The following SMARCC1 variants were observed in gnomAD, a reference collection of about 807,000 sequenced individuals.
SMARCC1 encodes SWI/SNF related BAF chromatin remodeling complex subunit C1, also known as SWI/SNF complex subunit SMARCC1.
A neutral mutation model predicts 147.4 loss-of-function variants in SMARCC1; 43 were observed. The observed-to-expected ratio is 0.29, with a 90% CI of 0.23 to 0.38. SMARCC1 has a LOEUF of 0.38. Ranked by LOEUF, SMARCC1 falls within the 10% of genes least tolerant of loss-of-function variation. SMARCC1 has a pLI of 1.00. For synonymous variants in SMARCC1, 495 were observed against 484.4 expected (o/e 1.02, Z -0.29); for missense variants, 1,119 against 1,381.1 (o/e 0.81, Z 3.01).
chr3:47,593,732 G>A (rs1393571129), intron 26 of SMARCC1, among the ~76,000 whole-genome samples: 1 of 152,146 alleles, frequency 6.6e-6, no homozygotes, highest in African/African-American at 2.4e-5. Context: ...ATAGAAAGAG[G>A]TCTATCTAAA....
chr3:47,662,097 C>T (rs979345362), intron 20 of SMARCC1, among the ~76,000 whole-genome samples: 2 of 151,716 alleles, frequency 1.3e-5, no homozygotes, highest in Admixed American at 6.6e-5. Flanking sequence ...TGGGTTCAAG[C>T]GATTCTCCTG....
At chr3:47,588,434 G>T in intron 27 of SMARCC1, 128 bp from the exon 28 acceptor site, 1 of 773,984 alleles carries the variant, frequency 1.3e-6, no homozygotes, top group Non-Finnish European at 2.2e-6. Context: ...ACCCTGTGAG[G>T]CATTGATTCC....
intron 14 of SMARCC1, among the ~76,000 whole-genome samples, chr3:47,680,759 G>C (rs184951180): frequency 9.4e-5 from 14 of 149,136 alleles, no homozygotes; most frequent in South Asian, 2.2e-4. Context: ...GTTTTAGCTG[G>C]GATGGTCTCG....
chr3:47,727,911 T>G (rs951932187), intron 6 of SMARCC1, among the ~76,000 whole-genome samples: 2 of 151,670 alleles, frequency 1.3e-5, no homozygotes, highest in African/African-American at 4.8e-5. Flanking sequence ...AGACATGAGA[T>G]TTCACTATGT....
chr3:47,772,081 A>G (rs528148592), intron 2 of SMARCC1, among the ~76,000 whole-genome samples: 4 of 151,274 alleles, frequency 2.6e-5, no homozygotes, highest in Admixed American at 1.3e-4. Flanking sequence ...AAATAAATTA[A>G]TTAAATAAAA....
intron 18 of SMARCC1, among the ~76,000 whole-genome samples, chr3:47,671,488 AT>A (rs1210002307): frequency 2.0e-5 from 3 of 152,120 alleles, no homozygotes; most frequent in Admixed American, 2.0e-4. Context: ...ATATTATCTC[AT>A]TTTAAAACAT....
chr3:47,767,612 G>A (rs901111173), intron 2 of SMARCC1, among the ~76,000 whole-genome samples: 1 of 142,288 alleles, frequency 7.0e-6, no homozygotes, highest in African/African-American at 2.6e-5. Context: ...GCTCACGCCT[G>A]TAATCCCAGC....
At chr3:47,628,300 TTCTAACCACTG>T (rs1271567188) in intron 24 of SMARCC1, among the ~76,000 whole-genome samples, 1 of 152,188 alleles carries the variant, frequency 6.6e-6, no homozygotes, top group African/African-American at 2.4e-5. Flanking sequence ...AAAGATTTGT[TTCTAACCACTG>T]TCCCTAGTTT....
intron 2 of SMARCC1, among the ~76,000 whole-genome samples, chr3:47,754,743 G>GT (rs2034668110): frequency 6.6e-6 from 1 of 152,042 alleles, no homozygotes; most frequent in South Asian, 2.1e-4. Context: ...ATCATGCGAG[G>GT]TAAAAAATAC....
chr3:47,638,166 C>T (rs985142485), intron 22 of SMARCC1, among the ~76,000 whole-genome samples: 3 of 152,192 alleles, frequency 2.0e-5, no homozygotes, highest in Non-Finnish European at 4.4e-5. Context: ...TCTCGGCTCA[C>T]TGCAAGCTCT....
intron 6 of SMARCC1, among the ~76,000 whole-genome samples, chr3:47,725,823 AG>A (rs1415043001): frequency 4.7e-5 from 7 of 150,194 alleles, no homozygotes; most frequent in Admixed American, 4.6e-4. Context: ...ACACTTTGGG[AG>A]GCTGGGTCGG....
chr3:47,698,414 C>T (rs1338666470), intron 11 of SMARCC1, among the ~76,000 whole-genome samples: 1 of 151,928 alleles, frequency 6.6e-6, no homozygotes, highest in Non-Finnish European at 1.5e-5. Flanking sequence ...CTTTCTAAAC[C>T]GCTATTGAAA....
In SMARCC1 at chr3:47,781,870, A is replaced by T. The variant is rs924525366; in HGVS notation, c.-73T>A. On this transcript the variant is annotated 5_prime_UTR_variant, in exon 1 of 28. Transcript: ENST00000254480. ...GTGTTTCCCGGTCGTTCCCGCGCGC[A>T]CCCCCGCGCGCGTAGCCGCCACTGC... The T allele has an allele frequency of 9.6e-6, 10 of 1,045,238 alleles. No homozygotes were observed. Among genetic ancestry groups the T allele is most frequent in the Non-Finnish European group, 1.2e-5 (10 of 818,094 alleles). 64.7% of individuals were successfully genotyped at this position (1,045,238 alleles called of 1,614,324 possible). A position where few individuals can be genotyped will look rare whatever the true frequency, so the allele number is the denominator to read the frequency against.
intron 24 of SMARCC1, among the ~76,000 whole-genome samples, chr3:47,633,741 C>CAA (rs1162764544): frequency 0.18 from 1,571 of 8,586 alleles, 225 homozygotes; most frequent in Non-Finnish European, 0.23. Flanking sequence ...GAGACTGTCT[C>CAA]AAAAAAAAAA....
intron 9 of SMARCC1, among the ~76,000 whole-genome samples, chr3:47,707,366 G>A (rs1429887254): frequency 6.7e-6 from 1 of 150,210 alleles, no homozygotes; most frequent in African/African-American, 2.4e-5. Context: ...ATCCCGGCTT[G>A]CAGATGATAC....
At chr3:47,702,230 C>CAAAA (rs200524652) in intron 10 of SMARCC1, among the ~76,000 whole-genome samples, 3,215 of 130,940 alleles carry the variant, frequency 0.025, 94 homozygotes, top group African/African-American at 0.056. Context: ...TCAGGGGGCT[C>CAAAA]AAAAAAAAAA....
At chr3:47,653,088 GC>G (rs1210898382) in intron 21 of SMARCC1, among the ~76,000 whole-genome samples, 14 of 151,998 alleles carry the variant, frequency 9.2e-5, no homozygotes, top group African/African-American at 3.4e-4. Flanking sequence ...CTCCCGAGTA[GC>G]TGGGACTACA....
chr3:47,738,070 T>C lies in SMARCC1; in HGVS notation c.442A>G (p.Asn148Asp), dbSNP rs2034465617. ...DLQNPSRMDR[N>D]VEMFMNIEKT... is the part of the protein sequence containing the mutation. ...TCAATGTTCATAAACATTTCCACAT[T>C]ACGATCCATTCGAGATGGGTTCTGT... Residue 148 changes from asparagine (N) to aspartate (D), a missense_variant, in exon 4 of 28, where the codon AAT (asparagine) becomes GAT (aspartate). Asn to Asp is a conservative substitution (Grantham distance 23). Around this residue, in one of 6 missense-constraint regions of SMARCC1, gnomAD observed 542 missense variants for 611.8 expected, o/e 0.89. Coordinates refer to ENST00000254480, the MANE Select transcript of SMARCC1 (RefSeq NM_003074.4). 1 of 1,600,392 alleles carries C rather than the reference T, an allele frequency of 6.2e-7. No individual in the cohort carries two copies. Among genetic ancestry groups the C allele is most frequent in the African/African-American group, 1.4e-5 (1 of 74,040 alleles).
chr3:47,615,123 T>TC (rs138781786), intron 25 of SMARCC1, among the ~76,000 whole-genome samples: 15 of 152,086 alleles, frequency 9.9e-5, no homozygotes, highest in Middle Eastern at 3.4e-3. Context: ...CCACTCCTAA[T>TC]CCCCCCGACT....
Sources: gnomAD v4.1 joint callset for allele counts (sites outside exome capture counted in the v4.1 genomes callset) on GRCh38, gnomAD v4.1.1 for gene constraint, gnomAD v4.1.1 regional missense constraint, MANE v1.5 for transcripts, NCBI Gene and HGNC (gene_info 2026-07-23, HGNC 2026-07-21) for gene names.